The following SMAP1 variants were observed in gnomAD, a reference collection of about 807,000 sequenced individuals.
SMAP1 encodes stromal membrane-associated protein 1.
SMAP1 carries 24 observed loss-of-function variants against 58.5 expected under a neutral mutation model. That is an observed-to-expected ratio of 0.41 (90% CI 0.30 to 0.58). The LOEUF (loss-of-function observed/expected upper bound fraction) is 0.58, where lower values mean the gene tolerates loss of function less well. Among genes scored for constraint, SMAP1 ranks in the 20% least tolerant of loss-of-function variants. SMAP1 has a pLI of 0.29. For synonymous variants in SMAP1, 216 were observed against 196.6 expected (o/e 1.10, Z -0.82); for missense variants, 563 against 566.3 (o/e 0.99, Z 0.06).
intron 1 of SMAP1, among the ~76,000 whole-genome samples, chr6:70,686,656 CT>C (rs1304621025): frequency 6.6e-6 from 1 of 152,094 alleles, no homozygotes; most frequent in Non-Finnish European, 1.5e-5. Context: ...ATAATAGTGT[CT>C]TTTCAGTACA....
At chr6:70,783,467 G>T (rs1044418069) in intron 4 of SMAP1, among the ~76,000 whole-genome samples, 1 of 152,214 alleles carries the variant, frequency 6.6e-6, no homozygotes, top group African/African-American at 2.4e-5. Context: ...ACTCTGACGA[G>T]TTGAGAGAAG....
At chr6:70,832,418 A>T (rs191604608) in intron 6 of SMAP1, among the ~76,000 whole-genome samples, 97 of 152,316 alleles carry the variant, frequency 6.4e-4, no homozygotes, top group African/African-American at 1.8e-3. Context: ...CTATTTAAAA[A>T]TTTTTTTAAA....
At chr6:70,837,840 A>G in intron 7 of SMAP1, 1 of 1,272,340 alleles carries the variant, frequency 7.9e-7, no homozygotes, top group Non-Finnish European at 1.0e-6. Context: ...GGAAGAGTTG[A>G]CCTTCATGTA....
chr6:70,779,605 T>C (rs1458896724), intron 4 of SMAP1, among the ~76,000 whole-genome samples: 1 of 152,168 alleles, frequency 6.6e-6, no homozygotes, highest in Non-Finnish European at 1.5e-5. Context: ...TCCTGGCTTC[T>C]AGCCTATCTT....
chr6:70,791,332 G>A (rs942629804), intron 4 of SMAP1, among the ~76,000 whole-genome samples: 6 of 151,970 alleles, frequency 3.9e-5, no homozygotes, highest in Non-Finnish European at 7.4e-5. Context: ...GTGTCTTTAC[G>A]TTTCAGAGCA....
Position 70,858,107 on chromosome 6 carries a change from G to C in SMAP1, c.1147G>C (p.Gly383Arg), listed in dbSNP as rs998945793. The change falls in exon 10 of 11, where the codon GGT becomes CGT. Residue 383 changes from glycine (G) to arginine (R), a missense_variant. Transcript: ENST00000370455. The stretch of plus-strand genomic sequence containing the variant: ...TGGGTTTATGGGAAATGCACAAACT[G>C]GTGTGATGCCACTTCCTCAGAACGT... ...PNGFMGNAQT[G>R]VMPLPQNVVG... 14 of 1,613,976 alleles carry C rather than the reference G, an allele frequency of 8.7e-6. No individual in the cohort carries two copies. Among genetic ancestry groups the C allele is most frequent in the Non-Finnish European group, 6.8e-6 (8 of 1,179,970 alleles).
intron 5 of SMAP1, among the ~76,000 whole-genome samples, chr6:70,792,844 G>T (rs988560192): frequency 6.6e-6 from 1 of 151,892 alleles, no homozygotes; most frequent in African/African-American, 2.4e-5. Flanking sequence ...AGCGTTGGGG[G>T]GTGGGTGTGA....
intron 3 of SMAP1, among the ~76,000 whole-genome samples, chr6:70,769,290 A>C (rs200081682): frequency 6.6e-6 from 1 of 152,132 alleles, no homozygotes; most frequent in Non-Finnish European, 1.5e-5. Flanking sequence ...AGCTGAGTTC[A>C]ATTCCTGGGT....
At chr6:70,808,392 G>A (rs138850874) in intron 6 of SMAP1, among the ~76,000 whole-genome samples, 77 of 152,310 alleles carry the variant, frequency 5.1e-4, no homozygotes, top group African/African-American at 1.6e-3. Context: ...TAGCATAAAA[G>A]CAGTAAGTGA....
At chr6:70,672,469 C>T (rs780182550) in intron 1 of SMAP1, among the ~76,000 whole-genome samples, 12 of 152,096 alleles carry the variant, frequency 7.9e-5, no homozygotes, top group African/African-American at 1.2e-4. Flanking sequence ...GTTAGGCTTC[C>T]GTTTATACAT....
chr6:70,808,149 T>C (rs75343432), intron 6 of SMAP1, among the ~76,000 whole-genome samples: 2,114 of 152,260 alleles, frequency 0.014, 54 homozygotes, highest in African/African-American at 0.048. Context: ...GGTCTTCCTG[T>C]CTCAGAGGTG....
chr6:70,745,390 A>G (rs969262730), intron 2 of SMAP1, among the ~76,000 whole-genome samples: 2 of 152,212 alleles, frequency 1.3e-5, no homozygotes, highest in African/African-American at 2.4e-5. Context: ...CTTTCTACAT[A>G]TGGCTAGCCA....
At chr6:70,847,291 G>A (rs889479030) in intron 7 of SMAP1, among the ~76,000 whole-genome samples, 2 of 152,166 alleles carry the variant, frequency 1.3e-5, no homozygotes, top group African/African-American at 4.8e-5. Context: ...ATGATGTGAA[G>A]TGGGCCAGTG....
intron 3 of SMAP1, among the ~76,000 whole-genome samples, chr6:70,758,891 A>G (rs760881944): frequency 6.6e-6 from 1 of 152,150 alleles, no homozygotes; most frequent in Admixed American, 6.6e-5. Flanking sequence ...GTTAGAAATG[A>G]AAGATAATGA....
intron 1 of SMAP1, chr6:70,694,129 G>C (rs1375598281): frequency 3.0e-6 from 1 of 335,460 alleles, no homozygotes; most frequent in African/African-American, 2.2e-5. Flanking sequence ...TGGATTTTCT[G>C]TTTACATCTT....
intron 1 of SMAP1, among the ~76,000 whole-genome samples, chr6:70,688,257 T>A (rs1389674377): frequency 6.6e-6 from 1 of 152,200 alleles, no homozygotes; most frequent in Admixed American, 6.5e-5. Flanking sequence ...ATAAAGCTGC[T>A]GTTAACATTT....
chr6:70,751,290 A>G (rs963264736), intron 2 of SMAP1, among the ~76,000 whole-genome samples: 71 of 152,208 alleles, frequency 4.7e-4, no homozygotes, highest in African/African-American at 1.6e-3. Context: ...GCAGAAGTAC[A>G]TGTTCACTTA....
chr6:70,750,509 C>T (rs1052452765), intron 2 of SMAP1, among the ~76,000 whole-genome samples: 6 of 152,124 alleles, frequency 3.9e-5, no homozygotes, highest in African/African-American at 2.4e-5. Flanking sequence ...AATGCTAAAA[C>T]TGTGATTGGG....
chr6:70,779,736 A>AT lies in SMAP1; in HGVS notation c.414+6312dup, dbSNP rs1391759910. Among the ~76,000 whole-genome samples, 7 of 152,250 alleles carry AT rather than the reference A, an allele frequency of 4.6e-5. No homozygotes were observed. The South Asian group carries it at 1.2e-3, about 27-fold the overall frequency. ...CCTAGTGCTCTATTCAATGTGTTGA[A>AT]TAGAGCATGTTGAATAGAACTGCCC... On this transcript the variant is annotated intron_variant, in intron 4 of 10. Transcript: ENST00000370455.
Sources: gnomAD v4.1 joint callset for allele counts (sites outside exome capture counted in the v4.1 genomes callset) on GRCh38, gnomAD v4.1.1 for gene constraint, MANE v1.5 for transcripts, NCBI Gene and HGNC (gene_info 2026-07-23, HGNC 2026-07-21) for gene names.